ITGAV: variants seen among roughly 807,000 people sequenced by gnomAD.
ITGAV encodes integrin alpha-V.
ITGAV carries 76 observed loss-of-function variants against 143.8 expected under a neutral mutation model. The ratio of observed to expected loss-of-function variants is 0.53; its 90% CI spans 0.44 to 0.64. The LOEUF (loss-of-function observed/expected upper bound fraction) is 0.64. Ranked by LOEUF, ITGAV falls within the 30% of genes least tolerant of loss-of-function variation. The pLI, the probability that ITGAV is intolerant of heterozygous loss-of-function variation, is 0.00. For synonymous variants in ITGAV, 453 were observed against 446.7 expected (o/e 1.01, Z -0.18); for missense variants, 1,193 against 1,274.7 (o/e 0.94, Z 0.98).
rs192808577 is a variant in ITGAV, at chr2:186,635,787, C to A, written c.632-295C>A. Among the ~76,000 whole-genome samples, 133 of 152,210 alleles carry A rather than the reference C, an allele frequency of 8.7e-4. 1 individual carries two copies. The highest frequency in any genetic ancestry group is 4.4e-4 in the Non-Finnish European group (30 of 67,986). On this transcript the variant is annotated intron_variant, in intron 6 of 29. Transcript: ENST00000261023. ...TTTAATGGATTAGTTGGGTGATAGC[C>A]TTTGATTTTATTATTCCGTGTATTT...
chr2:186,662,039 A>G (rs1688762114), intron 18 of ITGAV, among the ~76,000 whole-genome samples: 1 of 152,158 alleles, frequency 6.6e-6, no homozygotes, highest in African/African-American at 2.4e-5. Flanking sequence ...GGCTGCTTCA[A>G]TGCCAGCTAA....
chr2:186,676,016 T>C, intron 28 of ITGAV, 89 bp downstream of exon 28: 1 of 712,948 alleles, frequency 1.4e-6, no homozygotes, highest in South Asian at 1.8e-5. Flanking sequence ...AACGACAGCT[T>C]AACTTTTTTG....
At position 186,663,812 on chromosome 2, in the gene ITGAV, C is replaced by G. The variant is rs1328853392; in HGVS notation, c.1902C>G (p.Pro634=). The G allele has an allele frequency of 6.2e-7, 1 of 1,612,484 alleles. No homozygotes were observed. The highest frequency in any genetic ancestry group is 1.7e-5 in the Admixed American group (1 of 59,978). The change falls in exon 19 of 30, where the codon CCC becomes CCG. Residue 634 remains proline, a synonymous_variant. Coordinates refer to ENST00000261023, the MANE Select transcript of ITGAV (RefSeq NM_002210.5). ...GTGGTGAAGACAATGTCTGTAAACC[C>G]AAGCTGGAAGTTTCTGTAGATAGGT... ...LDCGEDNVCK[P]KLEVSVDSDQ...
chr2:186,634,574 T>C (rs917407782), intron 6 of ITGAV, among the ~76,000 whole-genome samples: 9 of 151,948 alleles, frequency 5.9e-5, no homozygotes, highest in African/African-American at 9.7e-5. Context: ...AAGTGAAATA[T>C]TGAAAGGGAA....
chr2:186,615,880 T>A (rs1223970045), intron 2 of ITGAV, among the ~76,000 whole-genome samples: 3 of 152,206 alleles, frequency 2.0e-5, no homozygotes, highest in Non-Finnish European at 4.4e-5. Context: ...TAACCCAAGT[T>A]CATGAAGATT....
chr2:186,664,750 C>T, intron 20 of ITGAV, 109 bp downstream of exon 20: 1 of 1,328,486 alleles, frequency 7.5e-7, no homozygotes, highest in Non-Finnish European at 1.1e-6. Context: ...CTACCTAAGG[C>T]TAAATTGATA....
intron 6 of ITGAV, among the ~76,000 whole-genome samples, chr2:186,634,336 G>T (rs967746330): frequency 6.6e-6 from 1 of 152,128 alleles, no homozygotes; most frequent in Non-Finnish European, 1.5e-5. Context: ...TTTTGTATTA[G>T]CATTCTGATA....
intron 12 of ITGAV, among the ~76,000 whole-genome samples, chr2:186,644,048 A>G (rs998613769): frequency 3.9e-5 from 6 of 152,148 alleles, no homozygotes; most frequent in Admixed American, 2.0e-4. Context: ...GGCTCAAGCA[A>G]TTCTCATACC....
intron 10 of ITGAV, 71 bp from the exon 11 acceptor site, chr2:186,640,844 A>AT: frequency 1.7e-6 from 2 of 1,211,600 alleles, no homozygotes. Context: ...TTTGGTACAT[A>AT]TATTACAAAT....
In ITGAV at chr2:186,635,418, C is replaced by T. The variant is rs61765166; in HGVS notation, c.632-664C>T. Among the ~76,000 whole-genome samples the T allele has an allele frequency of 3.4e-3, 515 of 152,282 alleles. 5 individuals carry two copies. The highest frequency in any genetic ancestry group is 0.012 in the African/African-American group (488 of 41,552). Reference sequence around the variant, plus strand: ...CCTGGACAGAGAAAGTGCTTCTGTGCTGTAGATCCAGTCTCTGTGACTGAA... The same window carrying T: ...CCTGGACAGAGAAAGTGCTTCTGTGTTGTAGATCCAGTCTCTGTGACTGAA... On this transcript the variant is annotated intron_variant, in intron 6 of 29. Transcript: ENST00000261023.
intron 2 of ITGAV, among the ~76,000 whole-genome samples, chr2:186,616,522 C>T (rs1687367999): frequency 6.6e-6 from 1 of 151,894 alleles, no homozygotes. Context: ...TCGTGATCCG[C>T]CCGCCTCGGC....
intron 1 of ITGAV, among the ~76,000 whole-genome samples, chr2:186,598,692 G>T (rs933887371): frequency 6.6e-6 from 1 of 152,110 alleles, no homozygotes; most frequent in East Asian, 1.9e-4. Flanking sequence ...GCCGCCCAAA[G>T]TGTTGGGATT....
intron 26 of ITGAV, among the ~76,000 whole-genome samples, chr2:186,675,221 A>G (rs1448064115): frequency 6.6e-6 from 1 of 152,196 alleles, no homozygotes; most frequent in South Asian, 2.1e-4. Flanking sequence ...TTTCTTTTCC[A>G]TGGGGATGTT....
At position 186,608,348 on chromosome 2, in the gene ITGAV, C is replaced by T. The variant is rs146432775; in HGVS notation, c.316+6197C>T. On this transcript the variant is annotated intron_variant, in intron 2 of 29. Transcript: ENST00000261023. ...CTGTAATTGTATGAAATATTCTAGG[C>T]TGGTTGCTGCATAGTCTGTTTCTCC... Among the ~76,000 whole-genome samples the T allele has an allele frequency of 1.9e-3, 288 of 152,218 alleles. 1 individual carries two copies. The highest frequency in any genetic ancestry group is 6.6e-3 in the African/African-American group (273 of 41,524).
At chr2:186,612,805 C>G (rs1687251462) in intron 2 of ITGAV, among the ~76,000 whole-genome samples, 1 of 152,114 alleles carries the variant, frequency 6.6e-6, no homozygotes, top group South Asian at 2.1e-4. Flanking sequence ...TCTACAGTTG[C>G]AACTGTCCTG....
intron 4 of ITGAV, among the ~76,000 whole-genome samples, chr2:186,628,011 G>C (rs1687720280): frequency 6.6e-6 from 1 of 152,062 alleles, no homozygotes; most frequent in South Asian, 2.1e-4. Flanking sequence ...GAAGACTCAG[G>C]AGCGGAAGTC....
chr2:186,621,703 G>A (rs1687529726), intron 2 of ITGAV, among the ~76,000 whole-genome samples: 1 of 152,024 alleles, frequency 6.6e-6, no homozygotes, highest in African/African-American at 2.4e-5. Flanking sequence ...AACTTATATT[G>A]GTAAGAATAT....
In ITGAV at chr2:186,612,598, G is replaced by A. The variant is rs568775622; in HGVS notation, c.317-9741G>A. ...CAGTTCTGTGGTCAAGAAAAATGCTGTGGAGTATTTTCTGGGTATAACTAG... is the reference window on the plus strand; with the variant it reads ...CAGTTCTGTGGTCAAGAAAAATGCTATGGAGTATTTTCTGGGTATAACTAG... On this transcript the variant is annotated intron_variant, in intron 2 of 29. Coordinates refer to ENST00000261023, the MANE Select transcript of ITGAV (RefSeq NM_002210.5). Among the ~76,000 whole-genome samples the A allele has an allele frequency of 2.0e-5, 3 of 152,266 alleles. No homozygotes were observed. In the East Asian group the frequency reaches 5.8e-4, roughly 29 times the overall value.
At chr2:186,596,965 A>G (rs1686765856) in intron 1 of ITGAV, among the ~76,000 whole-genome samples, 1 of 152,174 alleles carries the variant, frequency 6.6e-6, no homozygotes, top group South Asian at 2.1e-4. Flanking sequence ...AGATATTGAC[A>G]CATTCCTTTT....
Sources: gnomAD v4.1 joint callset for allele counts (sites outside exome capture counted in the v4.1 genomes callset) on GRCh38, gnomAD v4.1.1 for gene constraint, MANE v1.5 for transcripts, NCBI Gene and HGNC (gene_info 2026-07-23, HGNC 2026-07-21) for gene names.